CLASP2: variants seen among roughly 807,000 people sequenced by gnomAD.
CLASP2 encodes the protein CLIP-associating protein 2.
In CLASP2, 47 loss-of-function variants were observed where a neutral mutation model predicts 194.4. That is an observed-to-expected ratio of 0.24 (90% confidence interval 0.19 to 0.31). The LOEUF (loss-of-function observed/expected upper bound fraction) is 0.31. Among genes scored for constraint, CLASP2 ranks in the 10% least tolerant of loss-of-function variants. The pLI is 1.00. For synonymous variants in CLASP2, 619 were observed against 633.5 expected, an observed-to-expected ratio of 0.98 and a Z score of 0.34; for missense variants, 1,445 against 1,823.6, an observed-to-expected ratio of 0.79 and a Z score of 3.78.
chr3:33,666,014 T>C (rs1220978860), intron 6 of CLASP2, among the ~76,000 whole-genome samples: 1 of 152,120 alleles, frequency 6.6e-6, no homozygotes, highest in Non-Finnish European at 1.5e-5. Context: ...TGACTTAGGA[T>C]AAGGATAGAG....
intron 7 of CLASP2, among the ~76,000 whole-genome samples, chr3:33,660,443 C>T (rs2085112173): frequency 6.6e-6 from 1 of 152,210 alleles, no homozygotes; most frequent in African/African-American, 2.4e-5. Flanking sequence ...CACTTAATGA[C>T]TGTTCAGATG....
chr3:33,632,518 C>A (rs1031777453), intron 8 of CLASP2, 147 bp from the exon 9 acceptor site: 1 of 638,498 alleles, frequency 1.6e-6, no homozygotes, highest in Non-Finnish European at 2.6e-6. Flanking sequence ...TTTAAAAAAT[C>A]TCCAACTTTC....
intron 1 of CLASP2, among the ~76,000 whole-genome samples, chr3:33,711,464 T>C (rs1053949965): frequency 1.3e-5 from 2 of 151,540 alleles, no homozygotes; most frequent in Admixed American, 1.3e-4. Context: ...TTCACCATGT[T>C]GGCCAGGCTG....
chr3:33,557,324 A>T (rs559940493), intron 29 of CLASP2, among the ~76,000 whole-genome samples: 1 of 151,974 alleles, frequency 6.6e-6, no homozygotes, highest in South Asian at 2.1e-4. Context: ...CTGGTTCATG[A>T]AACATCTCTA....
chr3:33,669,701 T>G (rs2086806275), intron 6 of CLASP2, among the ~76,000 whole-genome samples: 1 of 151,980 alleles, frequency 6.6e-6, no homozygotes, highest in African/African-American at 2.4e-5. Flanking sequence ...AAAATGCATG[T>G]TACAACTGCA....
intron 8 of CLASP2, among the ~76,000 whole-genome samples, chr3:33,643,693 T>C (rs2081761997): frequency 6.6e-6 from 1 of 151,956 alleles, no homozygotes; most frequent in South Asian, 2.1e-4. Context: ...CAGAAGATCG[T>C]TTAAATGAAA....
chr3:33,541,438 T>C (rs1392562950), intron 32 of CLASP2, among the ~76,000 whole-genome samples: 2 of 152,156 alleles, frequency 1.3e-5, no homozygotes, highest in African/African-American at 4.8e-5. Context: ...ACCCAGGTAT[T>C]AAGCCTAGTG....
At chr3:33,563,465 AGG>A (rs974251002) in intron 27 of CLASP2, among the ~76,000 whole-genome samples, 2 of 152,182 alleles carry the variant, frequency 1.3e-5, no homozygotes, top group South Asian at 2.1e-4. Flanking sequence ...TTCTGACCTC[AGG>A]TCTGGATTTC....
At chr3:33,589,915 T>C (rs2068322869) in intron 21 of CLASP2, among the ~76,000 whole-genome samples, 1 of 152,246 alleles carries the variant, frequency 6.6e-6, no homozygotes, top group East Asian at 1.9e-4. Context: ...ACAATGGACA[T>C]GGAAATTCCT....
At chr3:33,676,792 G>A (rs1345011739) in intron 6 of CLASP2, among the ~76,000 whole-genome samples, 13 of 152,178 alleles carry the variant, frequency 8.5e-5, no homozygotes, top group Non-Finnish European at 1.3e-4. Flanking sequence ...GAAAATTTTC[G>A]CAACCTACTC....
intron 15 of CLASP2, 120 bp downstream of exon 15, chr3:33,607,258 CAATCTT>C (rs1310802861): frequency 1.8e-5 from 11 of 613,420 alleles, no homozygotes. Flanking sequence ...GGAGAAAAAA[CAATCTT>C]AATTTTACTG....
chr3:33,519,833 T>C (rs954625775), intron 34 of CLASP2, among the ~76,000 whole-genome samples: 2 of 152,188 alleles, frequency 1.3e-5, no homozygotes, highest in African/African-American at 2.4e-5. Flanking sequence ...TGAAGTAGTG[T>C]TCCCAAGCTC....
chr3:33,582,571 ATTGC>A (rs1317474904), intron 22 of CLASP2, among the ~76,000 whole-genome samples: 2 of 152,104 alleles, frequency 1.3e-5, no homozygotes, highest in African/African-American at 4.8e-5. Context: ...AGGCAGGAGG[ATTGC>A]TTGAGCCCAG....
intron 27 of CLASP2, among the ~76,000 whole-genome samples, chr3:33,562,111 TTAAAAA>T (rs1560041409): frequency 6.6e-6 from 1 of 152,216 alleles, no homozygotes; most frequent in Non-Finnish European, 1.5e-5. Flanking sequence ...TTAAACTGAG[TTAAAAA>T]TAAAAATATA....
Position 33,696,353 on chromosome 3 carries a change from CTTT to C in CLASP2, c.274+499_274+501del, listed in dbSNP as rs962854814. On this transcript the variant is annotated intron_variant, in intron 2 of 38. Transcript: ENST00000682230. The stretch of plus-strand genomic sequence containing the variant: ...CCAGTAAAAACAATTTTCTTTCTTT[CTTT>C]TTTTTTTTTTTTTTTTTTTTTTGCC... Among the ~76,000 whole-genome samples, 9 of 52,734 alleles carry C rather than the reference CTTT, an allele frequency of 1.7e-4. No homozygotes were observed. The East Asian group carries it at 3.3e-3, about 19-fold the overall frequency. The allele number at this position is 52,734 out of a possible 152,430, so 34.6% of individuals were successfully genotyped here.
chr3:33,604,285 G>C (rs2073148616), intron 16 of CLASP2, 76 bp from the exon 17 acceptor site: 3 of 907,826 alleles, frequency 3.3e-6, no homozygotes, highest in Non-Finnish European at 5.1e-6. Context: ...AAATACTACT[G>C]AATTTTGTGG....
intron 8 of CLASP2, among the ~76,000 whole-genome samples, chr3:33,636,216 T>C (rs2154297904): frequency 6.6e-6 from 1 of 152,140 alleles, no homozygotes; most frequent in East Asian, 1.9e-4. Context: ...GTAAAGAAGG[T>C]GCATTTCACT....
chr3:33,711,606 C>G (rs9876858), intron 1 of CLASP2, among the ~76,000 whole-genome samples: 53,568 of 150,856 alleles, frequency 0.36, 9,912 homozygotes, highest in Admixed American at 0.46. Flanking sequence ...AGAATGAAGA[C>G]AGAAAATAGA....
chr3:33,543,588 T>G, intron 31 of CLASP2, 49 bp from the exon 32 acceptor site: 1 of 1,143,610 alleles, frequency 8.7e-7, no homozygotes, highest in South Asian at 1.2e-5. Flanking sequence ...GTAAGTTCAC[T>G]TAAAAAAACT....
Sources: gnomAD v4.1 joint callset for allele counts (sites outside exome capture counted in the v4.1 genomes callset) on GRCh38, gnomAD v4.1.1 for gene constraint, MANE v1.5 for transcripts, NCBI Gene and HGNC (gene_info 2026-07-23, HGNC 2026-07-21) for gene names.